Variants in GPATCH2L observed in about 807,000 individuals in gnomAD.
GPATCH2L encodes the protein G patch domain-containing protein 2-like.
Under a neutral mutation model 57.4 loss-of-function variants are expected in GPATCH2L, and 31 were observed. The observed-to-expected ratio is 0.54, with a 90% CI of 0.41 to 0.73. The LOEUF (loss-of-function observed/expected upper bound fraction) is 0.73, where lower values mean the gene tolerates loss of function less well. GPATCH2L is among the 30% of genes least tolerant of loss of function. The pLI, the probability that GPATCH2L is intolerant of heterozygous loss-of-function variation, is 0.00. For missense variants in GPATCH2L, 481 were observed against 599.9 expected (o/e 0.80, Z 2.07); for synonymous variants, 199 against 210.7 (o/e 0.94, Z 0.48).
chr14:76,222,954 C>CAAAAAAAAAAAAA (rs36032954), intron 1 of GPATCH2L, among the ~76,000 whole-genome samples: 1 of 113,516 alleles, frequency 8.8e-6, no homozygotes, highest in African/African-American at 4.4e-5. Flanking sequence ...AGACTGTGTT[C>CAAAAAAAAAAAAA]AAAAAAAAAA....
chr14:76,218,724 C>A (rs186683347), downstream of GPATCH2L, among the ~76,000 whole-genome samples: 1 of 149,016 alleles, frequency 6.7e-6, no homozygotes, highest in Non-Finnish European at 1.5e-5. Flanking sequence ...TATACATCTA[C>A]AGCAATTAAA....
In GPATCH2L at chr14:76,203,073, C is replaced by T. The variant is rs1263291851; in HGVS notation, c.*1222C>T. The stretch of plus-strand genomic sequence containing the variant: ...TCTGGTCACATTGTAGAGGGACTCC[C>T]ACTCATGCATCTGCTTATTTTCTGT... On this transcript the variant is annotated 3_prime_UTR_variant, in exon 10 of 10. Coordinates refer to ENST00000261530, the MANE Select transcript of GPATCH2L (RefSeq NM_017926.4). The T allele has an allele frequency of 2.0e-5, 3 of 152,164 alleles. No homozygotes were observed. Among genetic ancestry groups the T allele is most frequent in the African/African-American group, 7.2e-5 (3 of 41,420 alleles). The allele number at this position is 152,164 out of a possible 1,614,324, so 9.4% of individuals were successfully genotyped here. A position where few individuals can be genotyped will look rare whatever the true frequency, so the allele number is the denominator to read the frequency against.
At chr14:76,194,594 T>G (rs752196400) in intron 8 of GPATCH2L, among the ~76,000 whole-genome samples, 1 of 152,102 alleles carries the variant, frequency 6.6e-6, no homozygotes, top group Admixed American at 6.5e-5. Flanking sequence ...AATTTGTCCA[T>G]TCAACAGCTG....
At chr14:76,229,126 A>T (rs1378392828) in intron 1 of GPATCH2L, among the ~76,000 whole-genome samples, 1 of 152,216 alleles carries the variant, frequency 6.6e-6, no homozygotes, top group African/African-American at 2.4e-5. Flanking sequence ...GGGCATCAAG[A>T]AAAACAAGAC....
At chr14:76,189,509 T>C (rs2039887890) in intron 8 of GPATCH2L, among the ~76,000 whole-genome samples, 1 of 152,286 alleles carries the variant, frequency 6.6e-6, no homozygotes, top group East Asian at 1.9e-4. Flanking sequence ...GATTGTTCAC[T>C]CTTGGCATAT....
rs191559462 is a variant in GPATCH2L, at chr14:76,211,330, A to G, written c.*9479A>G. ...GTGGAAACCCTACTGCAACTGGCCC[A>G]TTGTGCATACAAAGCTGGAACTGAG... is the stretch of plus-strand genomic sequence containing the variant. On this transcript the variant is annotated 3_prime_UTR_variant, in exon 10 of 10. Transcript: ENST00000261530. 6.6e-6 allele frequency: 1 copy of G among 152,346 alleles called. No individual in the cohort carries two copies. The highest frequency in any genetic ancestry group is 1.9e-4 in the East Asian group (1 of 5,190). The allele number at this position is 152,346 out of a possible 1,614,324, so 9.4% of individuals were successfully genotyped here.
intron 8 of GPATCH2L, among the ~76,000 whole-genome samples, chr14:76,184,037 T>G (rs909121550): frequency 6.6e-6 from 1 of 151,722 alleles, no homozygotes; most frequent in Non-Finnish European, 1.5e-5. Context: ...TGTGTGTGTG[T>G]GTGTGTGTGT....
intron 2 of GPATCH2L, among the ~76,000 whole-genome samples, chr14:76,164,396 C>G (rs2038735679): frequency 6.6e-6 from 1 of 152,202 alleles, no homozygotes; most frequent in Admixed American, 6.5e-5. Flanking sequence ...TCCTCCTTCT[C>G]TGCTTCAAAT....
At chr14:76,152,895 AG>A (rs2038119806) in intron 1 of GPATCH2L, 1 of 385,990 alleles carries the variant, frequency 2.6e-6, no homozygotes, top group African/African-American at 2.1e-5. Context: ...TTTTGGTCTT[AG>A]GGACAGTTGT....
intron 7 of GPATCH2L, 55 bp downstream of exon 7, chr14:76,178,097 A>G (rs1187935101): frequency 2.9e-6 from 4 of 1,397,366 alleles, no homozygotes; most frequent in Non-Finnish European, 4.0e-6. Flanking sequence ...GTTTTCTAAG[A>G]GTATCCAACA....
chr14:76,225,994 T>G (rs2040534975), intron 1 of GPATCH2L, among the ~76,000 whole-genome samples: 1 of 152,216 alleles, frequency 6.6e-6, no homozygotes, highest in South Asian at 2.1e-4. Context: ...ACGAACACTC[T>G]CATAAACTAC....
intron 1 of GPATCH2L, among the ~76,000 whole-genome samples, chr14:76,227,228 T>G (rs2139871552): frequency 6.6e-6 from 1 of 152,356 alleles, no homozygotes; most frequent in Non-Finnish European, 1.5e-5. Context: ...TCAGATACAC[T>G]GGGATTCTGA....
intron 6 of GPATCH2L, among the ~76,000 whole-genome samples, chr14:76,177,707 G>A (rs5809749): frequency 1.4e-5 from 2 of 138,836 alleles, no homozygotes; most frequent in Non-Finnish European, 3.1e-5. Context: ...GTTTTTTTTT[G>A]TTTTTGTTTT....
chr14:76,176,595 G>A (rs368107124), intron 5 of GPATCH2L, 28 bp from the exon 6 acceptor site: 6 of 1,494,032 alleles, frequency 4.0e-6, no homozygotes, highest in Non-Finnish European at 5.6e-6. Flanking sequence ...GTGGTTGGAT[G>A]ATACTCTTGT....
intron 1 of GPATCH2L, among the ~76,000 whole-genome samples, chr14:76,226,280 A>T (rs1401551282): frequency 6.6e-6 from 1 of 152,224 alleles, no homozygotes; most frequent in Non-Finnish European, 1.5e-5. Context: ...AGAAATGAGG[A>T]TTAACAAACT....
rs1273037102 is a variant in GPATCH2L at position 76,205,559 on chromosome 14, C to T, written c.*3708C>T. Reference sequence around the variant, plus strand: ...GTAGCATCCTTTGTTAAGTAAAGCACAACACCCTGGACAAGCGACTAGTTA... The same window carrying T: ...GTAGCATCCTTTGTTAAGTAAAGCATAACACCCTGGACAAGCGACTAGTTA... On this transcript the variant is annotated 3_prime_UTR_variant, in exon 10 of 10. Transcript: ENST00000261530. 6.6e-6 allele frequency: 1 copy of T among 152,190 alleles called. No individual in the cohort carries two copies. Among genetic ancestry groups the T allele is most frequent in the Non-Finnish European group, 1.5e-5 (1 of 68,028 alleles). 9.4% of individuals were successfully genotyped at this position (152,190 alleles called of 1,614,324 possible). A position where few individuals can be genotyped will look rare whatever the true frequency, so the allele number is the denominator to read the frequency against.
intron 1 of GPATCH2L, among the ~76,000 whole-genome samples, chr14:76,225,229 G>A (rs1425273408): frequency 6.6e-6 from 1 of 152,166 alleles, no homozygotes; most frequent in Non-Finnish European, 1.5e-5. Context: ...TAAAGTTACA[G>A]TAATTAATAC....
At chr14:76,187,509 G>A (rs1171765491) in intron 8 of GPATCH2L, among the ~76,000 whole-genome samples, 1 of 151,768 alleles carries the variant, frequency 6.6e-6, no homozygotes, top group Non-Finnish European at 1.5e-5. Flanking sequence ...ATTTTTTCCT[G>A]GTGTTACTTG....
chr14:76,198,564 A>G (rs957710517), intron 9 of GPATCH2L, among the ~76,000 whole-genome samples: 4 of 152,068 alleles, frequency 2.6e-5, no homozygotes, highest in African/African-American at 9.7e-5. Context: ...TCTGTTGAGA[A>G]CCCAGCTATT....
Sources: gnomAD v4.1 joint callset for allele counts (sites outside exome capture counted in the v4.1 genomes callset) on GRCh38, gnomAD v4.1.1 for gene constraint, MANE v1.5 for transcripts, NCBI Gene and HGNC (gene_info 2026-07-23, HGNC 2026-07-21) for gene names.